Variants in RBFOX1 observed in about 807,000 individuals in gnomAD.
RBFOX1 encodes RNA binding fox-1 homolog 1, also known as RNA binding protein fox-1 homolog 1.
In RBFOX1, 8 loss-of-function variants were observed where a neutral mutation model predicts 57.7. The ratio of observed to expected loss-of-function variants is 0.14; its 90% confidence interval spans 0.08 to 0.25. The LOEUF (loss-of-function observed/expected upper bound fraction) is 0.25, where lower values mean the gene tolerates loss of function less well. Among genes scored for constraint, RBFOX1 ranks in the 10% least tolerant of loss-of-function variants. The probability of loss-of-function intolerance (pLI) is 1.00; values close to 1 mark genes in which losing one functional copy is unlikely to be tolerated. For missense variants in RBFOX1, 611 were observed against 548.5 expected, an observed-to-expected ratio of 1.11 and a Z score of -1.14; for synonymous variants, 326 against 222.4, an observed-to-expected ratio of 1.47 and a Z score of -4.15.
intron 1 of RBFOX1, among the ~76,000 whole-genome samples, chr16:5,292,037 G>A (rs1248960397): frequency 1.3e-5 from 2 of 150,984 alleles, no homozygotes; most frequent in South Asian, 2.1e-4. Context: ...CCTTCCCTAT[G>A]CCCTAAACAT....
chr16:7,056,679 G>A (rs2052393040), intron 4 of RBFOX1, among the ~76,000 whole-genome samples: 2 of 152,166 alleles, frequency 1.3e-5, no homozygotes, highest in South Asian at 4.1e-4. Context: ...CCACCTTTCT[G>A]AGCACTCATA....
chr16:6,173,828 T>C (rs111992879), intron 1 of RBFOX1, among the ~76,000 whole-genome samples: 11,641 of 152,078 alleles, frequency 0.077, 620 homozygotes, highest in African/African-American at 0.15. Context: ...CAGGCTGGTC[T>C]TGAACTCCTG....
intron 2 of RBFOX1, among the ~76,000 whole-genome samples, chr16:6,333,495 G>A (rs2083285616): frequency 6.6e-6 from 1 of 151,954 alleles, no homozygotes. Flanking sequence ...TGTCATCATA[G>A]CTTCTCTTTG....
At chr16:7,604,581 C>T (rs1333986296) in intron 9 of RBFOX1, among the ~76,000 whole-genome samples, 4 of 152,076 alleles carry the variant, frequency 2.6e-5, no homozygotes, top group Non-Finnish European at 4.4e-5. Flanking sequence ...AAATAAACAG[C>T]AGATTATAGG....
intron 4 of RBFOX1, among the ~76,000 whole-genome samples, chr16:5,981,511 C>G (rs2060171807): frequency 6.6e-6 from 1 of 152,132 alleles, no homozygotes; most frequent in Non-Finnish European, 1.5e-5. Flanking sequence ...TTCTGTCACC[C>G]AGGCTGGACT....
chr16:6,794,601 C>T (rs984854734), intron 3 of RBFOX1, among the ~76,000 whole-genome samples: 1 of 152,092 alleles, frequency 6.6e-6, no homozygotes, highest in Non-Finnish European at 1.5e-5. Flanking sequence ...CAGTGACCTA[C>T]ATATAAATCA....
intron 4 of RBFOX1, among the ~76,000 whole-genome samples, chr16:7,285,018 A>G (rs1390839610): frequency 6.6e-6 from 1 of 151,122 alleles, no homozygotes; most frequent in Non-Finnish European, 1.5e-5. Flanking sequence ...CCTCTTCAGA[A>G]AAGCCTTCCC....
At chr16:6,869,781 T>A (rs945670914) in intron 3 of RBFOX1, among the ~76,000 whole-genome samples, 3 of 152,208 alleles carry the variant, frequency 2.0e-5, no homozygotes, top group African/African-American at 7.2e-5. Context: ...CAGCTTGATG[T>A]GGAATTTCCA....
intron 3 of RBFOX1, among the ~76,000 whole-genome samples, chr16:6,780,231 T>TTA (rs1177021037): frequency 2.8e-5 from 2 of 70,448 alleles, no homozygotes; most frequent in Admixed American, 2.8e-4. Context: ...ATATATATAT[T>TTA]TATATATATT....
intron 1 of RBFOX1, among the ~76,000 whole-genome samples, chr16:6,155,805 C>T (rs962008864): frequency 6.6e-6 from 1 of 152,090 alleles, no homozygotes; most frequent in Non-Finnish European, 1.5e-5. Context: ...TTGGAACTCA[C>T]TTATTTTTAT....
chr16:6,674,728 C>A (rs952677347), intron 3 of RBFOX1, among the ~76,000 whole-genome samples: 2 of 152,068 alleles, frequency 1.3e-5, no homozygotes, highest in Admixed American at 1.3e-4. Context: ...CACATACAAG[C>A]CAAGGAGCAC....
intron 2 of RBFOX1, among the ~76,000 whole-genome samples, chr16:6,619,852 C>G (rs2098201116): frequency 6.6e-6 from 1 of 152,026 alleles, no homozygotes; most frequent in South Asian, 2.1e-4. Flanking sequence ...GATTGTCTCC[C>G]TCCTCCCACC....
intron 3 of RBFOX1, among the ~76,000 whole-genome samples, chr16:6,907,694 C>T (rs1308474093): frequency 2.6e-5 from 4 of 152,152 alleles, no homozygotes; most frequent in Middle Eastern, 3.2e-3. Context: ...GCTCAGCCTC[C>T]TGAGTAGCTG....
At chr16:5,598,804 C>T (rs1357489291) in intron 2 of RBFOX1, 17 of 888,748 alleles carry the variant, frequency 1.9e-5, no homozygotes, top group East Asian at 2.6e-5. Context: ...CGTGGTGAGA[C>T]ATTCTGGGTT....
chr16:7,583,848 A>T (rs1395492961), intron 6 of RBFOX1, among the ~76,000 whole-genome samples: 1 of 151,240 alleles, frequency 6.6e-6, no homozygotes, highest in African/African-American at 2.5e-5. Flanking sequence ...CCACACCAAA[A>T]CAAAATATAG....
At position 5,899,945 on chromosome 16, in the gene RBFOX1, G is replaced by A. The variant is rs115442452; in HGVS notation, c.351+32610G>A. Among the ~76,000 whole-genome samples the A allele has an allele frequency of 8.2e-3, 1,250 of 152,238 alleles. 17 individuals are homozygous for A. The highest frequency in any genetic ancestry group is 0.029 in the African/African-American group (1,201 of 41,546). On this transcript the variant is annotated intron_variant, in intron 4 of 19. Coordinates refer to the RBFOX1 transcript ENST00000641259. ...AAAATGAGTCAGGCATGGTGGTGCAGACCTGTCGTCCCAGCTACTGGGATG... is the reference window on the plus strand; with the variant it reads ...AAAATGAGTCAGGCATGGTGGTGCAAACCTGTCGTCCCAGCTACTGGGATG...
At chr16:5,762,944 A>C (rs185629124) in intron 3 of RBFOX1, among the ~76,000 whole-genome samples, 3 of 152,322 alleles carry the variant, frequency 2.0e-5, no homozygotes, top group African/African-American at 7.2e-5. Flanking sequence ...AAAAGCAGTT[A>C]TTGCTGAATA....
intron 2 of RBFOX1, among the ~76,000 whole-genome samples, chr16:6,390,740 C>T (rs921410863): frequency 6.6e-6 from 1 of 152,062 alleles, no homozygotes; most frequent in Non-Finnish European, 1.5e-5. Flanking sequence ...GTAGGGAGCA[C>T]CTATAAATAT....
At position 7,217,855 on chromosome 16, in the gene RBFOX1, GGCATGTGTGTACACGCGTGTGT is replaced by G. The variant is rs2092344768; in HGVS notation, c.27+165768_27+165789del. Among the ~76,000 whole-genome samples the G allele has an allele frequency of 6.6e-5, 10 of 152,086 alleles. No homozygotes were observed. In the South Asian group the frequency reaches 2.1e-3, roughly 32 times the overall value. Reference sequence around the variant, plus strand: ...TGTCACTACTCACTGCATGTGTGTGGGCATGTGTGTACACGCGTGTGTGCATGTGTGTGCATGCGTATGTGTG... The same window carrying G: ...TGTCACTACTCACTGCATGTGTGTGGGCATGTGTGTGCATGCGTATGTGTG... On this transcript the variant is annotated intron_variant, in intron 4 of 15. Transcript: ENST00000550418.
Sources: allele counts gnomAD v4.1 joint callset (sites outside exome capture counted in the v4.1 genomes callset), GRCh38; gene constraint gnomAD v4.1.1; transcripts MANE v1.5; gene names NCBI Gene and HGNC (gene_info 2026-07-23, HGNC 2026-07-21).